Variants in DYDC2 observed in about 807,000 individuals in gnomAD.
DYDC2 encodes the protein DPY30 domain containing 2.
DYDC2 carries 19 observed loss-of-function variants against 18.7 expected under a neutral mutation model. The ratio of observed to expected loss-of-function variants is 1.02; its 90% CI spans 0.71 to 1.49. The LOEUF (loss-of-function observed/expected upper bound fraction) is 1.49, where lower values mean the gene tolerates loss of function less well. DYDC2 is among the 40% of genes most tolerant of loss of function. The pLI is 0.00. For synonymous variants in DYDC2, 63 were observed against 67.6 expected, an observed-to-expected ratio of 0.93 and a Z score of 0.34; for missense variants, 179 against 205.1, an observed-to-expected ratio of 0.87 and a Z score of 0.78.
intron 4 of DYDC2, among the ~76,000 whole-genome samples, chr10:80,363,923 T>A (rs1843746278): frequency 6.6e-6 from 1 of 152,206 alleles, no homozygotes; most frequent in Non-Finnish European, 1.5e-5. Context: ...CATTCGTCAG[T>A]CTGACAAGCC....
upstream of DYDC2, chr10:80,351,925 T>C: frequency 6.2e-7 from 1 of 1,614,200 alleles, no homozygotes; most frequent in Non-Finnish European, 8.5e-7. Flanking sequence ...GCTCCTCTGC[T>C]TTGAGCCTCT....
chr10:80,358,347 C>G (rs368104180), intron 2 of DYDC2, among the ~76,000 whole-genome samples: 1 of 152,144 alleles, frequency 6.6e-6, no homozygotes, highest in Non-Finnish European at 1.5e-5. Context: ...CACTGCACTC[C>G]AGCCTGGGCG....
intron 1 of DYDC2, among the ~76,000 whole-genome samples, chr10:80,357,313 C>T (rs1448186963): frequency 6.6e-6 from 1 of 150,578 alleles, no homozygotes; most frequent in Non-Finnish European, 1.5e-5. Context: ...GGCGTGTGCT[C>T]GTGAGGGGTC....
chr10:80,356,220 T>G, upstream of DYDC2: 2 of 981,290 alleles, frequency 2.0e-6, no homozygotes, highest in Non-Finnish European at 1.2e-6. Flanking sequence ...TACCCATCTC[T>G]CCTGTGGTAA....
upstream of DYDC2, chr10:80,356,649 C>G (rs867154880): frequency 1.0e-6 from 1 of 984,018 alleles, no homozygotes; most frequent in African/African-American, 1.7e-5. Flanking sequence ...CTCTGCCCGC[C>G]GGACCCAGCG....
chr10:80,351,898 C>T, upstream of DYDC2: 1 of 1,613,996 alleles, frequency 6.2e-7, no homozygotes, highest in Non-Finnish European at 8.5e-7. Flanking sequence ...CTACTTGCCT[C>T]ACCTGCTGAA....
At chr10:80,357,813 T>C in intron 1 of DYDC2, 80 bp from the exon 2 acceptor site, 1 of 985,284 alleles carries the variant, frequency 1.0e-6, no homozygotes, top group Non-Finnish European at 1.2e-6. Context: ...AAATGCCAGA[T>C]TGGGCGTGGA....
At chr10:80,363,913 C>T (rs972458187) in intron 4 of DYDC2, among the ~76,000 whole-genome samples, 2 of 152,210 alleles carry the variant, frequency 1.3e-5, no homozygotes, top group African/African-American at 4.8e-5. Flanking sequence ...GACAACTCTG[C>T]ATTCGTCAGT....
chr10:80,362,337 A>G, intron 2 of DYDC2, 98 bp from the exon 3 acceptor site: 1 of 1,482,416 alleles, frequency 6.7e-7, no homozygotes, highest in Non-Finnish European at 9.1e-7. Flanking sequence ...AGCATCTCAT[A>G]TTTATCCTGA....
chr10:80,366,710 C>G lies in DYDC2; in HGVS notation c.293C>G (p.Ser98Cys), dbSNP rs139612342. ...CHKELTSETV[S>C]TKKTIFMQED... ...TAGGAACTGACTTCTGAAACTGTTT[C>G]CACGAAGAAGACCATATTCATGCAG... The change falls in exon 5 of 5, where the codon TCC becomes TGC. Residue 98 changes from serine to cysteine, a missense_variant. Ser to Cys is a moderately radical substitution (Grantham distance 112, BLOSUM62 -1). Coordinates refer to ENST00000256039, the MANE Select transcript of DYDC2 (RefSeq NM_032372.6). 3.1e-6 allele frequency: 5 copies of G among 1,604,658 alleles called. No individual in the cohort carries two copies. The African/African-American group carries it at 4.0e-5, about 13-fold the overall frequency.
At chr10:80,349,370 C>A (rs557210379) in intron 1 of DYDC2, among the ~76,000 whole-genome samples, 21 of 152,250 alleles carry the variant, frequency 1.4e-4, no homozygotes, top group Non-Finnish European at 2.5e-4. Flanking sequence ...TGCAAAAATT[C>A]ATTTTCTCTC....
intron 2 of DYDC2, among the ~76,000 whole-genome samples, chr10:80,358,913 C>T (rs539269024): frequency 6.6e-6 from 1 of 152,182 alleles, no homozygotes; most frequent in Non-Finnish European, 1.5e-5. Context: ...GGTTGCTGGT[C>T]TCCCTTCAGA....
At chr10:80,366,559 T>C in intron 4 of DYDC2, 129 bp from the exon 5 acceptor site, 1 of 1,141,444 alleles carries the variant, frequency 8.8e-7, no homozygotes, top group Non-Finnish European at 1.2e-6. Flanking sequence ...TTATGCTTTG[T>C]TAAAGCAGGG....
chr10:80,366,028 CTTTTTT>C (rs770351822), intron 4 of DYDC2, among the ~76,000 whole-genome samples: 7 of 90,328 alleles, frequency 7.7e-5, no homozygotes, highest in Non-Finnish European at 2.1e-5. Context: ...TTTTCTTTCT[CTTTTTT>C]TTTTTTTTTT....
chr10:80,354,586 A>G (rs972225551), upstream of DYDC2: 5 of 152,222 alleles, frequency 3.3e-5, no homozygotes, highest in Non-Finnish European at 7.3e-5. Flanking sequence ...GTGTCCCCCA[A>G]AAATCCATAT....
In DYDC2 at chr10:80,366,747, C is replaced by T. The variant is rs377136921; in HGVS notation, c.330C>T (p.Asn110=). The T allele has an allele frequency of 1.2e-6, 2 of 1,614,108 alleles. No individual in the cohort carries two copies. Among genetic ancestry groups the T allele is most frequent in the African/African-American group, 2.7e-5 (2 of 75,038 alleles). The change falls in exon 5 of 5, where the codon AAC becomes AAT. Residue 110 remains asparagine, a synonymous_variant. Transcript: ENST00000256039. ...CCATATTCATGCAGGAGGACACAAACCCCCTTGAGAAGGAGGCCTTGAAGC... is the reference window on the plus strand; with the variant it reads ...CCATATTCATGCAGGAGGACACAAATCCCCTTGAGAAGGAGGCCTTGAAGC... ...KKTIFMQEDT[N]PLEKEALKQE...
At chr10:80,360,478 G>A (rs1174993638) in intron 2 of DYDC2, among the ~76,000 whole-genome samples, 1 of 152,056 alleles carries the variant, frequency 6.6e-6, no homozygotes, top group Non-Finnish European at 1.5e-5. Flanking sequence ...GATAATCCAG[G>A]ATAATCCCCC....
chr10:80,349,113 G>C (rs941370049), intron 1 of DYDC2, among the ~76,000 whole-genome samples: 6 of 152,056 alleles, frequency 3.9e-5, no homozygotes, highest in South Asian at 2.1e-4. Flanking sequence ...GGATGGTCTC[G>C]ATCTCCTGAC....
upstream of DYDC2, chr10:80,356,374 C>G: frequency 1.0e-6 from 1 of 985,778 alleles, no homozygotes; most frequent in Non-Finnish European, 1.2e-6. Context: ...AGACAGCTAG[C>G]CAGCCAGCCA....
Sources: gnomAD v4.1 joint callset for allele counts (sites outside exome capture counted in the v4.1 genomes callset) on GRCh38, gnomAD v4.1.1 for gene constraint, MANE v1.5 for transcripts, NCBI Gene and HGNC (gene_info 2026-07-23, HGNC 2026-07-21) for gene names.